RAD52: variants seen among roughly 807,000 people sequenced by gnomAD.
The protein encoded by RAD52 is DNA repair protein RAD52 homolog.
RAD52 carries 47 observed loss-of-function variants against 55.5 expected under a neutral mutation model. That is an observed-to-expected ratio of 0.85 (90% confidence interval 0.67 to 1.08). The LOEUF is 1.08. Ranked by LOEUF, RAD52 falls within the 50% of genes least tolerant of loss-of-function variation. The pLI, the probability that RAD52 is intolerant of heterozygous loss-of-function variation, is 0.00. For synonymous variants in RAD52, 184 were observed against 198.9 expected (o/e 0.92, Z 0.63); for missense variants, 468 against 522.8 (o/e 0.90, Z 1.02).
At chr12:948,159 A>G (rs1958360461) in intron 1 of RAD52, among the ~76,000 whole-genome samples, 1 of 152,078 alleles carries the variant, frequency 6.6e-6, no homozygotes, top group Admixed American at 6.6e-5. Context: ...TGCTACATAC[A>G]ACATAGATGG....
intron 1 of RAD52, among the ~76,000 whole-genome samples, chr12:973,771 G>C (rs931716481): frequency 1.4e-5 from 2 of 139,904 alleles, no homozygotes; most frequent in Non-Finnish European, 3.0e-5. Flanking sequence ...GAGCCACCAC[G>C]CCCAGTCCTT....
intron 11 of RAD52, 76 bp from the exon 12 acceptor site, chr12:913,528 T>G: frequency 9.0e-7 from 1 of 1,114,094 alleles, no homozygotes; most frequent in Non-Finnish European, 1.3e-6. Context: ...TTCTGGATTA[T>G]ATTAATGATC....
upstream of RAD52, among the ~76,000 whole-genome samples, chr12:953,956 C>T (rs1386502714): frequency 1.3e-5 from 2 of 152,214 alleles, no homozygotes; most frequent in East Asian, 1.9e-4. Context: ...AGCTTGCTCT[C>T]CACCGCCCTT....
intron 1 of RAD52, among the ~76,000 whole-genome samples, chr12:972,353 G>C (rs910200254): frequency 2.0e-5 from 3 of 152,102 alleles, no homozygotes; most frequent in African/African-American, 7.2e-5. Context: ...AAGTGCATGA[G>C]AAAATGGCTG....
At chr12:979,790 G>A (rs1958986653) in intron 1 of RAD52, among the ~76,000 whole-genome samples, 1 of 152,106 alleles carries the variant, frequency 6.6e-6, no homozygotes. Context: ...GCTCCTGCCT[G>A]TAATCCCAGC....
chr12:925,262 T>G (rs1443921095), intron 7 of RAD52, among the ~76,000 whole-genome samples, 188 bp downstream of exon 7: 1 of 152,114 alleles, frequency 6.6e-6, no homozygotes, highest in Non-Finnish European at 1.5e-5. Flanking sequence ...CATGATGTAC[T>G]TTAGAAAAAA....
At chr12:957,466 C>CAAAAAA (rs71055109) in intron 1 of RAD52, among the ~76,000 whole-genome samples, 26 of 44,012 alleles carry the variant, frequency 5.9e-4, no homozygotes, top group Non-Finnish European at 7.7e-4. Context: ...AACTTCGTCT[C>CAAAAAA]AAAAAAAAAA....
chr12:921,322 G>A (rs150522603), intron 7 of RAD52, among the ~76,000 whole-genome samples: 105 of 152,342 alleles, frequency 6.9e-4, no homozygotes, highest in Non-Finnish European at 1.2e-3. Context: ...AAAAGTAGGA[G>A]TTGGGCCATA....
rs866814784 is a variant in RAD52, at chr12:942,747, C to T, written c.-19+6855G>A. Among the ~76,000 whole-genome samples, 257 of 103,734 alleles carry T rather than the reference C, an allele frequency of 2.5e-3. 1 individual carries two copies. Among genetic ancestry groups the T allele is most frequent in the African/African-American group, 8.4e-3 (235 of 28,068 alleles). The allele number at this position is 103,734 out of a possible 152,430, so 68.1% of individuals were successfully genotyped here. A position where few individuals can be genotyped will look rare whatever the true frequency, so the allele number is the denominator to read the frequency against. ...TGGACGACAGAGCAAGACTCTGTCT[C>T]AAAAAAAAAAAAAACTTACAGAAGA... On this transcript the variant is annotated intron_variant, in intron 1 of 11. Transcript: ENST00000358495.
chr12:973,219 G>A (rs372231102), intron 1 of RAD52, among the ~76,000 whole-genome samples: 34 of 151,986 alleles, frequency 2.2e-4, no homozygotes, highest in South Asian at 1.2e-3. Flanking sequence ...ACAGGCGCCC[G>A]CCACCACACC....
At chr12:970,209 AG>A (rs1166869898) in intron 1 of RAD52, among the ~76,000 whole-genome samples, 10 of 143,424 alleles carry the variant, frequency 7.0e-5, no homozygotes, top group South Asian at 2.3e-4. Flanking sequence ...TGGGTGGGGC[AG>A]GGGGGTGCTG....
chr12:986,021 G>A (rs571950680), intron 1 of RAD52, among the ~76,000 whole-genome samples: 1 of 150,246 alleles, frequency 6.7e-6, no homozygotes, highest in South Asian at 2.1e-4. Context: ...TGCAACCTCT[G>A]CCTCCCAGGT....
chr12:962,158 A>G (rs1434151038), intron 1 of RAD52, among the ~76,000 whole-genome samples: 1 of 152,204 alleles, frequency 6.6e-6, no homozygotes, highest in East Asian at 1.9e-4. Flanking sequence ...TTCAAGTAAG[A>G]TAAATGGTCT....
At chr12:965,119 A>T (rs932467091) in intron 1 of RAD52, among the ~76,000 whole-genome samples, 2 of 151,880 alleles carry the variant, frequency 1.3e-5, no homozygotes, top group African/African-American at 4.9e-5. Context: ...AGCTAGGAGT[A>T]CAGGTGCGCA....
chr12:957,263 G>A (rs1185892756), intron 1 of RAD52, among the ~76,000 whole-genome samples: 1 of 151,694 alleles, frequency 6.6e-6, no homozygotes, highest in African/African-American at 2.4e-5. Context: ...TTCGAGACTA[G>A]CCTGGCCAAC....
chr12:985,713 G>GCT (rs1003561067), intron 1 of RAD52, among the ~76,000 whole-genome samples: 3 of 152,052 alleles, frequency 2.0e-5, no homozygotes, highest in African/African-American at 7.2e-5. Flanking sequence ...ACGGAGTCTT[G>GCT]CTCATTGCAA....
Position 968,065 on chromosome 12 carries a change from G to T in RAD52, c.-19+21744C>A, listed in dbSNP as rs1030601679. On this transcript the variant is annotated intron_variant, in intron 1 of 11. Coordinates refer to the RAD52 transcript ENST00000430095. ...CATTTCATTCCATGACATTAAGTTTGTAAGATTCATCCCTATGAGTGTTAG... is the reference window on the plus strand; with the variant it reads ...CATTTCATTCCATGACATTAAGTTTTTAAGATTCATCCCTATGAGTGTTAG... Among the ~76,000 whole-genome samples the T allele has an allele frequency of 1.3e-4, 20 of 152,078 alleles. 2 individuals are homozygous for T. Among genetic ancestry groups the T allele is most frequent in the African/African-American group, 4.6e-4 (19 of 41,332 alleles).
At chr12:922,191 T>TAAAAAA (rs79763100) in intron 7 of RAD52, among the ~76,000 whole-genome samples, 1 of 81,692 alleles carries the variant, frequency 1.2e-5, no homozygotes, top group Non-Finnish European at 2.2e-5. Flanking sequence ...TAGGTTGGCT[T>TAAAAAA]AAAAAAAAAA....
At chr12:984,068 C>T (rs777611361) in intron 1 of RAD52, among the ~76,000 whole-genome samples, 1 of 152,182 alleles carries the variant, frequency 6.6e-6, no homozygotes. Context: ...TCACAATGAT[C>T]TGCAGACATC....
Sources: gnomAD v4.1 joint callset for allele counts (sites outside exome capture counted in the v4.1 genomes callset) on GRCh38, gnomAD v4.1.1 for gene constraint, MANE v1.5 for transcripts, NCBI Gene and HGNC (gene_info 2026-07-23, HGNC 2026-07-21) for gene names.